Variants in MYO7B observed in about 807,000 individuals in gnomAD.
The protein encoded by MYO7B is unconventional myosin-VIIb.
MYO7B carries 212 observed loss-of-function variants against 259.7 expected under a neutral mutation model. The observed-to-expected ratio is 0.82, with a 90% CI of 0.73 to 0.91. The LOEUF is 0.91. Ranked by LOEUF, MYO7B falls within the 40% of genes least tolerant of loss-of-function variation. MYO7B has a pLI of 0.00. For synonymous variants in MYO7B, 1,197 were observed against 1,166.4 expected (o/e 1.03, Z -0.54); for missense variants, 2,732 against 2,813.5 (o/e 0.97, Z 0.66).
In MYO7B at chr2:127,573,530, C is replaced by T. The variant is rs13403167; in HGVS notation, c.593-390C>T. Among the ~76,000 whole-genome samples the T allele has an allele frequency of 9.5e-4, 144 of 152,254 alleles. 2 individuals are homozygous for T. Among genetic ancestry groups the T allele is most frequent in the African/African-American group, 3.4e-3 (141 of 41,522 alleles). Reference sequence around the variant, plus strand: ...ATCTTTCTAAGCTGTGAATCTGCTCCCACACTCTCTCAGAAGCTTTACTGC... The same window carrying T: ...ATCTTTCTAAGCTGTGAATCTGCTCTCACACTCTCTCAGAAGCTTTACTGC... On this transcript the variant is annotated intron_variant, in intron 6 of 47. Coordinates refer to ENST00000409816, the MANE Select transcript of MYO7B (RefSeq NM_001393586.1).
chr2:127,589,988 C>T, intron 15 of MYO7B, 104 bp from the exon 16 acceptor site: 8 of 1,323,382 alleles, frequency 6.0e-6, no homozygotes, highest in Non-Finnish European at 8.3e-6. Flanking sequence ...AGATGCACCA[C>T]CCCACCTGTG....
At chr2:127,563,816 T>A (rs907675081) in intron 2 of MYO7B, among the ~76,000 whole-genome samples, 1 of 152,184 alleles carries the variant, frequency 6.6e-6, no homozygotes, top group African/African-American at 2.4e-5. Flanking sequence ...AGAAGCACTT[T>A]CTCTCTTAAC....
chr2:127,584,676 C>T lies in MYO7B; in HGVS notation c.1555-102C>T, dbSNP rs894953278. On this transcript the variant is annotated intron_variant, in intron 13 of 47. Transcript: ENST00000409816. This position sits in a 1 kb window ranked among gnomAD's most constrained non-coding sequence, Gnocchi z 5.8. ...GTCTGTACAAAGGCCCTCAATCATT[C>T]TGAGCCCAGATCTCTTTGCCTCCAT... 5 of 1,409,268 alleles carry T rather than the reference C, an allele frequency of 3.5e-6. No homozygotes were observed. The African/African-American group carries it at 7.1e-5, about 20-fold the overall frequency. The allele number at this position is 1,409,268 out of a possible 1,614,324, so 87.3% of individuals were successfully genotyped here.
intron 20 of MYO7B, among the ~76,000 whole-genome samples, chr2:127,606,998 A>T (rs1354746209): frequency 1.3e-5 from 2 of 152,256 alleles, no homozygotes; most frequent in African/African-American, 4.8e-5. Flanking sequence ...TTTAGCACTT[A>T]TTTGCATGTC....
At chr2:127,596,847 T>C (rs1022820669) in intron 19 of MYO7B, among the ~76,000 whole-genome samples, 7 of 152,270 alleles carry the variant, frequency 4.6e-5, no homozygotes, top group Non-Finnish European at 1.5e-5. Flanking sequence ...ACTTCCATTA[T>C]ATCAAAGCGT....
intron 30 of MYO7B, 83 bp from the exon 31 acceptor site, chr2:127,625,285 C>T (rs996390263): frequency 7.8e-6 from 11 of 1,402,234 alleles, no homozygotes; most frequent in Admixed American, 6.1e-5. Context: ...GGCAAGAGCC[C>T]GGCCACGGGA....
At chr2:127,608,595 G>A in intron 21 of MYO7B, 113 bp from the exon 22 acceptor site, 1 of 1,140,078 alleles carries the variant, frequency 8.8e-7, no homozygotes, top group Non-Finnish European at 1.2e-6. Flanking sequence ...ACAAATGATG[G>A]CAGGATGAGG....
At chr2:127,603,237 C>A (rs1381360396) in intron 19 of MYO7B, among the ~76,000 whole-genome samples, 1 of 152,154 alleles carries the variant, frequency 6.6e-6, no homozygotes, top group Non-Finnish European at 1.5e-5. Flanking sequence ...CATGAATGTT[C>A]TTAGTGGCAT....
Position 127,574,069 on chromosome 2 carries a change from C to T in MYO7B, c.735+7C>T. On this transcript the variant is annotated splice_region_variant and intron_variant, in intron 7 of 47. Coordinates refer to ENST00000409816, the MANE Select transcript of MYO7B (RefSeq NM_001393586.1). Reference sequence around the variant, plus strand: ...GTCCCGGGTCTGCCGGCAGGTGAGGCCTCCCCCTTCCCAGGTCGGGAGTTG... The same window carrying T: ...GTCCCGGGTCTGCCGGCAGGTGAGGTCTCCCCCTTCCCAGGTCGGGAGTTG... The T allele has an allele frequency of 1.9e-6, 3 of 1,613,792 alleles. No individual in the cohort carries two copies. The highest frequency in any genetic ancestry group is 2.2e-5 in the East Asian group (1 of 44,850).
intron 1 of MYO7B, among the ~76,000 whole-genome samples, chr2:127,540,108 C>A (rs1692944526): frequency 1.3e-5 from 2 of 151,940 alleles, no homozygotes. Context: ...GGTTCCATAT[C>A]TTTGCAATTG....
intron 1 of MYO7B, among the ~76,000 whole-genome samples, chr2:127,538,062 T>C (rs1210352992): frequency 1.3e-5 from 2 of 150,960 alleles, no homozygotes; most frequent in South Asian, 2.1e-4. Flanking sequence ...CGGCATTGAG[T>C]GGTCAGAGGA....
intron 3 of MYO7B, among the ~76,000 whole-genome samples, chr2:127,564,765 A>C (rs928823279): frequency 1.3e-5 from 2 of 151,042 alleles, no homozygotes; most frequent in Non-Finnish European, 2.9e-5. Flanking sequence ...TTAGCCTCCA[A>C]GGAGAAGTTT....
intron 12 of MYO7B, 132 bp from the exon 13 acceptor site, chr2:127,583,990 C>T (rs1230801528): frequency 4.0e-5 from 30 of 755,566 alleles, no homozygotes; most frequent in South Asian, 1.4e-4. Context: ...TCTGTGTACA[C>T]GAGGTGTGCA....
intron 29 of MYO7B, 137 bp downstream of exon 29, chr2:127,623,512 T>C (rs1573708453): frequency 1.1e-6 from 1 of 924,336 alleles, no homozygotes; most frequent in Non-Finnish European, 1.6e-6. Flanking sequence ...CTGCTTACCC[T>C]CCCAGCCACC....
At position 127,612,299 on chromosome 2, in the gene MYO7B, T is replaced by C; in HGVS notation, c.3242T>C (p.Leu1081Pro). 1 of 826,712 alleles carries C rather than the reference T, an allele frequency of 1.2e-6. No homozygotes were observed. The highest frequency in any genetic ancestry group is 2.0e-6 in the Non-Finnish European group (1 of 504,184). 51.2% of individuals were successfully genotyped at this position (826,712 alleles called of 1,614,324 possible). Reference protein sequence around the residue: ...KGTKDISSMKLKRSSRITGQV... With the variant: ...KGTKDISSMKPKRSSRITGQV... Reference sequence around the variant, plus strand: ...ACCAAGGATATCTCCTCCATGAAGCTGAAGCGGTCCTCCCGGATCACAGGC... The same window carrying C: ...ACCAAGGATATCTCCTCCATGAAGCCGAAGCGGTCCTCCCGGATCACAGGC... The change falls in exon 25 of 48, where the codon CTG (leucine) becomes CCG (proline). Residue 1081 changes from leucine (L) to proline (P), a missense_variant. Physicochemically the swap from Leu to Pro is moderately conservative, Grantham distance 98 (BLOSUM62 -3). This residue lies in a region of MYO7B where 1,906 missense variants were observed against 2,026.4 expected (regional missense o/e 0.94). Transcript: ENST00000409816.
rs770102686 is a variant in MYO7B, at chr2:127,566,754, C to T, written c.397C>T (p.His133Tyr). The T allele has an allele frequency of 6.2e-7, 1 of 1,612,866 alleles. No individual in the cohort carries two copies. The highest frequency in any genetic ancestry group is 8.5e-7 in the Non-Finnish European group (1 of 1,179,850). ...CCGCCATATGGGCGAGCTGCCCCCG[C>T]ATGTCTTTGCCATCGCCAACAACTG... Reference protein sequence around the residue: ...YSRHMGELPPHVFAIANNCYF... With the variant: ...YSRHMGELPPYVFAIANNCYF... Residue 133 changes from histidine to tyrosine, a missense_variant, in exon 5 of 48, where the codon CAT becomes TAT. This residue lies in a region of MYO7B where 1,906 missense variants were observed against 2,026.4 expected (regional missense o/e 0.94). Transcript: ENST00000409816.
chr2:127,568,234 C>G lies in MYO7B; in HGVS notation c.470+1407C>G, dbSNP rs1031038792. Among the ~76,000 whole-genome samples, 7 of 152,342 alleles carry G rather than the reference C, an allele frequency of 4.6e-5. No individual in the cohort carries two copies. The East Asian group carries it at 1.4e-3, about 29-fold the overall frequency. On this transcript the variant is annotated intron_variant, in intron 5 of 47. Coordinates refer to ENST00000409816, the MANE Select transcript of MYO7B (RefSeq NM_001393586.1). ...CAGGGCAAGAGGCCCCTCAGCAGAG[C>G]TGGGCCGCAGGCTGGCTGGCCAGGG...
In MYO7B at chr2:127,631,698, C is replaced by A; in HGVS notation, c.5194C>A (p.Leu1732Ile). 1.2e-6 allele frequency: 2 copies of A among 1,613,060 alleles called. No homozygotes were observed. Among genetic ancestry groups the A allele is most frequent in the Non-Finnish European group, 1.7e-6 (2 of 1,179,870 alleles). ...IFTLALQHPA[L>I]QDEVYCQILK... ...CACACTGGCCCTGCAGCACCCGGCC[C>A]TCCAGGACGAGGTCTACTGCCAGAT... The change falls in exon 38 of 48, where the codon CTC (leucine) becomes ATC (isoleucine). Residue 1732 changes from leucine (L) to isoleucine (I), a missense_variant. Coordinates refer to ENST00000409816, the MANE Select transcript of MYO7B (RefSeq NM_001393586.1).
At chr2:127,620,087 C>T in intron 26 of MYO7B, 1 of 328,608 alleles carries the variant, frequency 3.0e-6, no homozygotes, top group Non-Finnish European at 5.6e-6. Context: ...GGCTGGAGAA[C>T]CTGCTGCTTC....
Sources: gnomAD v4.1 joint callset for allele counts (sites outside exome capture counted in the v4.1 genomes callset) on GRCh38, gnomAD v4.1.1 for gene constraint, gnomAD v4.1.1 regional missense constraint, Gnocchi (gnomAD v3.1) non-coding constraint, MANE v1.5 for transcripts, NCBI Gene and HGNC (gene_info 2026-07-23, HGNC 2026-07-21) for gene names.